Variants in KIF11 observed in about 807,000 individuals in gnomAD.
KIF11 encodes the protein kinesin-like protein KIF11.
KIF11 carries 9 observed loss-of-function variants against 121.0 expected under a neutral mutation model. The ratio of observed to expected loss-of-function variants is 0.07; its 90% confidence interval spans 0.04 to 0.13. KIF11 has a LOEUF of 0.13. Ranked by LOEUF, KIF11 falls within the 10% of genes least tolerant of loss-of-function variation. The probability of loss-of-function intolerance (pLI) is 1.00; values close to 1 mark genes in which losing one functional copy is unlikely to be tolerated. For missense variants in KIF11, 846 were observed against 1,217.5 expected (o/e 0.69, Z 4.54); for synonymous variants, 408 against 421.0 (o/e 0.97, Z 0.38).
At chr10:92,593,526 A>T (rs1844256388) in intron 1 of KIF11, 74 bp downstream of exon 1, 2 of 1,311,766 alleles carry the variant, frequency 1.5e-6, no homozygotes. Flanking sequence ...GTCCAGGGAG[A>T]GGGATTTTAT....
intron 6 of KIF11, 103 bp from the exon 7 acceptor site, chr10:92,612,937 C>CT: frequency 1.6e-6 from 1 of 640,752 alleles, no homozygotes; most frequent in South Asian, 2.1e-5. Context: ...TTATCTTTCT[C>CT]TACTCATGTG....
At chr10:92,604,986 A>G (rs1480608078) in intron 1 of KIF11, among the ~76,000 whole-genome samples, 1 of 152,094 alleles carries the variant, frequency 6.6e-6, no homozygotes, top group Non-Finnish European at 1.5e-5. Context: ...TTCTTTCTGT[A>G]GTGATCTGAG....
chr10:92,610,368 A>G (rs1844482728), intron 6 of KIF11, among the ~76,000 whole-genome samples: 1 of 152,168 alleles, frequency 6.6e-6, no homozygotes, highest in African/African-American at 2.4e-5. Context: ...CGAAATATAA[A>G]ATTCCTTTTT....
At chr10:92,650,882 A>T (rs1436076904) in intron 21 of KIF11, among the ~76,000 whole-genome samples, 1 of 152,068 alleles carries the variant, frequency 6.6e-6, no homozygotes, top group Admixed American at 6.6e-5. Context: ...TTTGAAGGCA[A>T]AGTGATTGAA....
intron 18 of KIF11, 85 bp from the exon 19 acceptor site, chr10:92,648,126 TG>T (rs1844941209): frequency 1.1e-6 from 1 of 898,944 alleles, no homozygotes; most frequent in South Asian, 2.0e-5. Flanking sequence ...AAAAAAATTA[TG>T]GAAAAGGTAA....
At chr10:92,632,293 G>C (rs1844746780) in intron 12 of KIF11, among the ~76,000 whole-genome samples, 193 bp from the exon 13 acceptor site, 1 of 151,360 alleles carries the variant, frequency 6.6e-6, no homozygotes, top group African/African-American at 2.4e-5. Flanking sequence ...TCAGCCTCTT[G>C]AGTAGCTGGA....
chr10:92,615,985 G>GCCACCA (rs1844550927), intron 8 of KIF11, among the ~76,000 whole-genome samples: 1 of 151,204 alleles, frequency 6.6e-6, no homozygotes, highest in Non-Finnish European at 1.5e-5. Context: ...GATTACAGGC[G>GCCACCA]CCACCACCAT....
chr10:92,609,942 G>A (rs1315409017), intron 6 of KIF11, among the ~76,000 whole-genome samples: 1 of 152,034 alleles, frequency 6.6e-6, no homozygotes, highest in Non-Finnish European at 1.5e-5. Flanking sequence ...TCACCATGTT[G>A]GCCAGGCTGG....
Position 92,632,864 on chromosome 10 carries a change from T to C in KIF11, c.1702+171T>C, listed in dbSNP as rs183765276. 3.5e-3 allele frequency among the ~76,000 whole-genome samples: 536 copies of C among 152,320 alleles called. 2 individuals carry two copies. Among genetic ancestry groups the C allele is most frequent in the African/African-American group, 0.012 (512 of 41,574 alleles). ...TTTATTGTCTTTGAATTAAAACAAATCTTTTTTCCCTCCCCACCCTCCCTT... is the reference window on the plus strand; with the variant it reads ...TTTATTGTCTTTGAATTAAAACAAACCTTTTTTCCCTCCCCACCCTCCCTT... On this transcript the variant is annotated intron_variant, in intron 13 of 21. Coordinates refer to ENST00000260731, the MANE Select transcript of KIF11 (RefSeq NM_004523.4).
chr10:92,632,865 C>CT (rs1381184673), intron 13 of KIF11, among the ~76,000 whole-genome samples, 172 bp downstream of exon 13: 3 of 152,120 alleles, frequency 2.0e-5, no homozygotes, highest in Admixed American at 6.6e-5. Flanking sequence ...TAAAACAAAT[C>CT]TTTTTTCCCT....
rs74151662 is a variant in KIF11, at chr10:92,607,603, T to C, written c.387+366T>C. ...AAAGTTAGCATGGCCAGGGGAAGTA[T>C]AGTACTTTATTCATGATGATCCTAA... On this transcript the variant is annotated intron_variant, in intron 4 of 21. Transcript: ENST00000260731. Among the ~76,000 whole-genome samples the C allele has an allele frequency of 9.9e-3, 1,507 of 152,244 alleles. 25 individuals carry two copies. The highest frequency in any genetic ancestry group is 0.035 in the African/African-American group (1,444 of 41,538).
chr10:92,651,625 C>A (rs1046396251), intron 21 of KIF11, among the ~76,000 whole-genome samples: 1 of 146,792 alleles, frequency 6.8e-6, no homozygotes, highest in Non-Finnish European at 1.5e-5. Context: ...CCTCGGCCTC[C>A]CGTAGTGCTG....
intron 21 of KIF11, among the ~76,000 whole-genome samples, chr10:92,651,286 C>T (rs563756312): frequency 6.6e-6 from 1 of 152,174 alleles, no homozygotes; most frequent in Admixed American, 6.5e-5. Context: ...CCTCGGCCTC[C>T]CAAAGTGCTG....
chr10:92,612,773 C>G (rs1438596290), intron 6 of KIF11, among the ~76,000 whole-genome samples: 3 of 152,216 alleles, frequency 2.0e-5, no homozygotes, highest in Non-Finnish European at 1.5e-5. Context: ...CCACCCACAT[C>G]CAGCTTTCAG....
intron 10 of KIF11, among the ~76,000 whole-genome samples, chr10:92,627,880 G>C (rs963658098): frequency 6.6e-6 from 1 of 152,150 alleles, no homozygotes; most frequent in Non-Finnish European, 1.5e-5. Flanking sequence ...GCTATTTTTT[G>C]ATTAGAGTGG....
intron 8 of KIF11, among the ~76,000 whole-genome samples, chr10:92,614,130 C>A (rs1379759792): frequency 6.8e-6 from 1 of 147,616 alleles, no homozygotes; most frequent in East Asian, 2.0e-4. Context: ...AAATCCCACT[C>A]TTGTCCCCCA....
At chr10:92,608,954 C>T in intron 4 of KIF11, 66 bp from the exon 5 acceptor site, 2 of 816,204 alleles carry the variant, frequency 2.5e-6, no homozygotes, top group Non-Finnish European at 3.7e-6. Context: ...TAAAGGAGGC[C>T]CATGTATTTT....
intron 4 of KIF11, among the ~76,000 whole-genome samples, chr10:92,607,893 G>A (rs1038338765): frequency 2.0e-5 from 3 of 151,986 alleles, no homozygotes; most frequent in East Asian, 1.9e-4. Flanking sequence ...GGTGGCTCAT[G>A]CCTGTAATCC....
chr10:92,594,563 G>A (rs1056935533), intron 1 of KIF11, among the ~76,000 whole-genome samples: 4 of 152,098 alleles, frequency 2.6e-5, no homozygotes, highest in African/African-American at 7.2e-5. Flanking sequence ...TACCTTTTCC[G>A]TATGCATTTA....
Sources: allele counts gnomAD v4.1 joint callset (sites outside exome capture counted in the v4.1 genomes callset), GRCh38; gene constraint gnomAD v4.1.1; transcripts MANE v1.5; gene names NCBI Gene and HGNC (gene_info 2026-07-23, HGNC 2026-07-21).